Variants in CLCN1 observed in about 807,000 individuals in gnomAD.
CLCN1 encodes the protein chloride channel protein 1.
In CLCN1, 100 loss-of-function variants were observed where a neutral mutation model predicts 114.5. That is an observed-to-expected ratio of 0.87 (90% confidence interval 0.74 to 1.03). The LOEUF is 1.03. Among genes scored for constraint, CLCN1 ranks in the 50% least tolerant of loss-of-function variants. CLCN1 has a pLI of 0.00. For missense variants in CLCN1, 1,188 were observed against 1,250.0 expected (o/e 0.95, Z 0.75); for synonymous variants, 485 against 487.1 (o/e 1.00, Z 0.06).
rs202172391 is a variant in CLCN1 at position 143,351,994 on chromosome 7, C to T, written c.*29C>T. 4.0e-5 allele frequency: 65 copies of T among 1,612,206 alleles called. No individual in the cohort carries two copies. Among genetic ancestry groups the T allele is most frequent in the Middle Eastern group, 2.2e-4 (1 of 4,470 alleles). On this transcript the variant is annotated 3_prime_UTR_variant, in exon 23 of 23. Transcript: ENST00000343257. ...CCTCCCACGACCTCCTCATAAAGAC[C>T]GTGGAGAGGCCCAGCCTGAGGGTGA...
chr7:143,327,262 A>G (rs1233163847), intron 7 of CLCN1, among the ~76,000 whole-genome samples: 1 of 152,018 alleles, frequency 6.6e-6, no homozygotes, highest in African/African-American at 2.4e-5. Context: ...AAAAAAAAAA[A>G]GAAAAGTTAC....
At chr7:143,337,054 C>T (rs1802923126) in intron 12 of CLCN1, among the ~76,000 whole-genome samples, 2 of 152,340 alleles carry the variant, frequency 1.3e-5, no homozygotes, top group South Asian at 4.1e-4. Flanking sequence ...ATAGCCCTAT[C>T]TGCAGACAAT....
intron 12 of CLCN1, among the ~76,000 whole-genome samples, chr7:143,338,719 G>T (rs527683836): frequency 6.6e-6 from 1 of 151,878 alleles, no homozygotes; most frequent in East Asian, 1.9e-4. Context: ...CTTCAGAGGC[G>T]GAGGTTGCAG....
intron 12 of CLCN1, among the ~76,000 whole-genome samples, chr7:143,338,812 A>AAG (rs1267373478): frequency 6.6e-6 from 1 of 151,884 alleles, no homozygotes; most frequent in African/African-American, 2.4e-5. Flanking sequence ...AAAAAAAGAA[A>AAG]AAAAAAAAAC....
Position 143,321,270 on chromosome 7 carries a change from A to G in CLCN1, c.434-95A>G. ...CATCTCAGAAGGGGCACACAGAAGG[A>G]GCACGGCCTGAGAACATGCCGGGTA... On this transcript the variant is annotated intron_variant, in intron 3 of 22. Coordinates refer to ENST00000343257, the MANE Select transcript of CLCN1 (RefSeq NM_000083.3). The surrounding 1 kb of genome is among the most constrained non-coding windows in gnomAD (Gnocchi z 4.2). 5.5e-6 allele frequency: 8 copies of G among 1,451,564 alleles called. No homozygotes were observed. Among genetic ancestry groups the G allele is most frequent in the Non-Finnish European group, 7.6e-6 (8 of 1,051,776 alleles). 89.9% of individuals were successfully genotyped at this position (1,451,564 alleles called of 1,614,324 possible). A position where few individuals can be genotyped will look rare whatever the true frequency, so the allele number is the denominator to read the frequency against.
At chr7:143,319,584 G>A (rs1375021719) in intron 1 of CLCN1, among the ~76,000 whole-genome samples, 171 bp from the exon 2 acceptor site, 1 of 152,182 alleles carries the variant, frequency 6.6e-6, no homozygotes, top group Non-Finnish European at 1.5e-5. Flanking sequence ...TGTGGGAATG[G>A]AGGGTGGAGA....
intron 2 of CLCN1, 53 bp from the exon 3 acceptor site, chr7:143,320,609 GTT>G: frequency 8.5e-7 from 1 of 1,172,366 alleles, no homozygotes. Context: ...ATATATTTTT[GTT>G]TGTTTGTTTG....
At position 143,350,662 on chromosome 7, in the gene CLCN1, C is replaced by G; in HGVS notation, c.2595+8C>G. On this transcript the variant is annotated splice_region_variant and intron_variant, in intron 22 of 22. Transcript: ENST00000343257. This position sits in a 1 kb window ranked among gnomAD's most constrained non-coding sequence, Gnocchi z 5.1. Reference sequence around the variant, plus strand: ...GTCCTGGCCCTGGAGGAGGTAATCACGATGTGTCCCATTTGAGCAGCAGGA... The same window carrying G: ...GTCCTGGCCCTGGAGGAGGTAATCAGGATGTGTCCCATTTGAGCAGCAGGA... The G allele has an allele frequency of 6.2e-7, 1 of 1,609,316 alleles. No homozygotes were observed. The highest frequency in any genetic ancestry group is 8.5e-7 in the Non-Finnish European group (1 of 1,175,784).
chr7:143,331,141 G>A (rs1181721938), intron 8 of CLCN1, 91 bp from the exon 9 acceptor site: 11 of 1,109,920 alleles, frequency 9.9e-6, no homozygotes, highest in Non-Finnish European at 1.2e-5. Context: ...TTGGAGGAAG[G>A]AAGGAATTAA....
At chr7:143,330,681 C>T (rs1802696559) in intron 7 of CLCN1, 91 bp from the exon 8 acceptor site, 1 of 1,562,280 alleles carries the variant, frequency 6.4e-7, no homozygotes, top group Non-Finnish European at 8.8e-7. Context: ...ATTCATGTTT[C>T]AGCAAAAGCT....
chr7:143,329,933 A>G (rs1802677582), intron 7 of CLCN1, among the ~76,000 whole-genome samples: 3 of 151,936 alleles, frequency 2.0e-5, no homozygotes, highest in South Asian at 4.2e-4. Context: ...CCTCACTCGC[A>G]TTCCTTACTT....
intron 7 of CLCN1, among the ~76,000 whole-genome samples, chr7:143,326,786 G>A (rs953072531): frequency 1.3e-5 from 2 of 152,084 alleles, no homozygotes; most frequent in African/African-American, 4.8e-5. Context: ...AAGTAAAGGG[G>A]GGCTGAATTA....
At position 143,346,232 on chromosome 7, in the gene CLCN1, G is replaced by A. The variant is rs761474906; in HGVS notation, c.2265G>A (p.Pro755=). 7.6e-5 allele frequency: 123 copies of A among 1,611,684 alleles called. No individual in the cohort carries two copies. Among genetic ancestry groups the A allele is most frequent in the Non-Finnish European group, 9.8e-5 (115 of 1,178,250 alleles). Residue 755 remains proline (P), a synonymous_variant, in exon 18 of 23, where the codon CCG becomes CCA. Coordinates refer to ENST00000343257, the MANE Select transcript of CLCN1 (RefSeq NM_000083.3). ...CTCTGCCTGGCCACAAACAGCAGCC[G>A]GAAGCACCAGAGCCTGCAGGTGACG... The part of the protein sequence containing the change: ...NGPLPGHKQQ[P]EAPEPAGQRP...
At position 143,345,825 on chromosome 7, in the gene CLCN1, T is replaced by C. The variant is rs1324651832; in HGVS notation, c.2172+63T>C. The C allele has an allele frequency of 2.1e-6, 3 of 1,441,554 alleles. No homozygotes were observed. The African/African-American group carries it at 4.3e-5, about 21-fold the overall frequency. The allele number at this position is 1,441,554 out of a possible 1,614,324, so 89.3% of individuals were successfully genotyped here. On this transcript the variant is annotated intron_variant, in intron 17 of 22. Transcript: ENST00000343257. Reference sequence around the variant, plus strand: ...CAGGAGCAAAGGGAAAAGCGTCGTCTGGGCTGGGCTGGGCTGGGCTGGGAC... The same window carrying C: ...CAGGAGCAAAGGGAAAAGCGTCGTCCGGGCTGGGCTGGGCTGGGCTGGGAC...
chr7:143,325,582 A>G (rs561820435), intron 7 of CLCN1, among the ~76,000 whole-genome samples: 1 of 152,352 alleles, frequency 6.6e-6, no homozygotes, highest in African/African-American at 2.4e-5. Flanking sequence ...GGATTTTTGC[A>G]CATGTTAAAC....
At chr7:143,329,165 A>C (rs929348090) in intron 7 of CLCN1, among the ~76,000 whole-genome samples, 20 of 151,638 alleles carry the variant, frequency 1.3e-4, no homozygotes, top group African/African-American at 4.8e-4. Flanking sequence ...TTAGGGTTTC[A>C]CCATGTTGGC....
chr7:143,349,811 A>G (rs1803347683), intron 20 of CLCN1, among the ~76,000 whole-genome samples: 1 of 152,236 alleles, frequency 6.6e-6, no homozygotes, highest in Non-Finnish European at 1.5e-5. Context: ...AGATGCCAAT[A>G]CAGCAGGAAG....
At chr7:143,341,853 C>A in intron 14 of CLCN1, 76 bp from the exon 15 acceptor site, 2 of 1,152,556 alleles carry the variant, frequency 1.7e-6, no homozygotes, top group Non-Finnish European at 2.6e-6. Flanking sequence ...CCGTGTTATT[C>A]CCATCCCATC....
At chr7:143,338,994 G>A (rs1023950083) in intron 12 of CLCN1, among the ~76,000 whole-genome samples, 1 of 152,150 alleles carries the variant, frequency 6.6e-6, no homozygotes, top group Admixed American at 6.5e-5. Context: ...TTGCTGAAAG[G>A]CAAATACAGG....
Sources: gnomAD v4.1 joint callset for allele counts (sites outside exome capture counted in the v4.1 genomes callset) on GRCh38, gnomAD v4.1.1 for gene constraint, Gnocchi (gnomAD v3.1) non-coding constraint, MANE v1.5 for transcripts, NCBI Gene and HGNC (gene_info 2026-07-23, HGNC 2026-07-21) for gene names.